ABTB3: variants seen among roughly 807,000 people sequenced by gnomAD.
The protein encoded by ABTB3 is ankyrin repeat- and BTB/POZ domain-containing protein 3.
chr12:107,320,498 G>T, the ABTB3 span: 86 of 448,852 alleles, frequency 1.9e-4, no homozygotes, highest in South Asian at 1.4e-3. Flanking sequence ...TTGGGAGGAG[G>T]CGCGTTCCGC....
At chr12:107,507,875 T>A in the ABTB3 span, among the ~76,000 whole-genome samples, 1 of 152,154 alleles carries the variant, frequency 6.6e-6, no homozygotes, top group Non-Finnish European at 1.5e-5. Flanking sequence ...GCCACCCAGG[T>A]GGAATATCCA....
the ABTB3 span, among the ~76,000 whole-genome samples, chr12:107,511,091 C>T: frequency 6.6e-6 from 1 of 152,090 alleles, no homozygotes; most frequent in African/African-American, 2.4e-5. Context: ...GCCCAAGAAA[C>T]CCCCAGGAGA....
At chr12:107,547,538 G>A in the ABTB3 span, among the ~76,000 whole-genome samples, 1 of 152,328 alleles carries the variant, frequency 6.6e-6, no homozygotes, top group East Asian at 1.9e-4. Context: ...AGCAGGGAAG[G>A]AGAGCAAAGA....
the ABTB3 span, among the ~76,000 whole-genome samples, chr12:107,448,665 A>T: frequency 6.7e-6 from 1 of 149,208 alleles, no homozygotes; most frequent in Non-Finnish European, 1.5e-5. Flanking sequence ...TTTGAGGTGC[A>T]GTCTCAGCTC....
At chr12:107,341,561 G>T in the ABTB3 span, among the ~76,000 whole-genome samples, 1 of 152,214 alleles carries the variant, frequency 6.6e-6, no homozygotes, top group South Asian at 2.1e-4. Context: ...TTGGTGTGCA[G>T]TCTTTCTGGG....
chr12:107,620,178 G>A, the ABTB3 span: 2 of 1,613,224 alleles, frequency 1.2e-6, no homozygotes, highest in South Asian at 2.2e-5. Flanking sequence ...TGTGGGGTTT[G>A]AGGTTGTTGT....
the ABTB3 span, among the ~76,000 whole-genome samples, chr12:107,626,162 C>T: frequency 6.6e-6 from 1 of 152,102 alleles, no homozygotes; most frequent in Admixed American, 6.6e-5. Context: ...CTCCCTAGGT[C>T]GTCTGCCGCC....
the ABTB3 span, chr12:107,520,363 G>T: frequency 6.8e-7 from 1 of 1,472,980 alleles, no homozygotes; most frequent in Non-Finnish European, 9.0e-7. Context: ...TCCTACATTG[G>T]CTTTCTTTGC....
the ABTB3 span, among the ~76,000 whole-genome samples, chr12:107,607,380 C>T: frequency 1.3e-5 from 2 of 152,224 alleles, no homozygotes; most frequent in Non-Finnish European, 2.9e-5. Context: ...TGAAGTCAGG[C>T]TCCGGTCCTC....
chr12:107,445,122 C>T, the ABTB3 span, among the ~76,000 whole-genome samples: 1 of 152,236 alleles, frequency 6.6e-6, no homozygotes, highest in Non-Finnish European at 1.5e-5. Flanking sequence ...AGCTGAAGCT[C>T]AGGTCTCTAT....
At chr12:107,550,929 T>G in the ABTB3 span, among the ~76,000 whole-genome samples, 1 of 152,162 alleles carries the variant, frequency 6.6e-6, no homozygotes, top group African/African-American at 2.4e-5. Flanking sequence ...AAGTGAATCA[T>G]TTGCACAGGC....
At chr12:107,538,819 C>T in the ABTB3 span, among the ~76,000 whole-genome samples, 3 of 152,192 alleles carry the variant, frequency 2.0e-5, no homozygotes, top group Non-Finnish European at 4.4e-5. Flanking sequence ...CCTGAGCCCC[C>T]ACCCCACAAA....
At chr12:107,450,991 T>TA in the ABTB3 span, among the ~76,000 whole-genome samples, 13 of 151,994 alleles carry the variant, frequency 8.6e-5, no homozygotes, top group African/African-American at 3.1e-4. Context: ...TTTTTTTTTT[T>TA]AAATGCATGT....
the ABTB3 span, among the ~76,000 whole-genome samples, chr12:107,385,514 T>C: frequency 6.6e-6 from 1 of 152,214 alleles, no homozygotes; most frequent in Non-Finnish European, 1.5e-5. Context: ...CTGACTTAAC[T>C]GGGATCGTCA....
the ABTB3 span, among the ~76,000 whole-genome samples, chr12:107,623,814 A>G: frequency 1.8e-4 from 28 of 152,336 alleles, no homozygotes; most frequent in Non-Finnish European, 3.4e-4. Flanking sequence ...AAGAAAATAA[A>G]TAAACGAAAC....
the ABTB3 span, among the ~76,000 whole-genome samples, chr12:107,465,573 G>A: frequency 2.8e-4 from 42 of 152,138 alleles, no homozygotes; most frequent in Non-Finnish European, 4.9e-4. Context: ...CAGTGTGGGC[G>A]TCCTGCTCAG....
the ABTB3 span, among the ~76,000 whole-genome samples, chr12:107,480,809 C>A: frequency 6.6e-6 from 1 of 152,130 alleles, no homozygotes; most frequent in Non-Finnish European, 1.5e-5. Flanking sequence ...CAGTGAAAAA[C>A]CACTGTAAAA....
At chr12:107,336,235 T>C in the ABTB3 span, among the ~76,000 whole-genome samples, 2 of 152,248 alleles carry the variant, frequency 1.3e-5, no homozygotes, top group African/African-American at 4.8e-5. Context: ...GGTCTGAGGT[T>C]GAAAACAGAA....
At chr12:107,634,799 C>A in the ABTB3 span, 1 of 152,076 alleles carries the variant, frequency 6.6e-6, no homozygotes, top group Non-Finnish European at 1.5e-5. Flanking sequence ...TGCCTCAGCA[C>A]CAGAATCAAG....
Sources: allele counts gnomAD v4.1 joint callset (sites outside exome capture counted in the v4.1 genomes callset), GRCh38; gene constraint gnomAD v4.1.1; transcripts MANE v1.5; gene names NCBI Gene and HGNC (gene_info 2026-07-23, HGNC 2026-07-21).